Variants in ZNF345 observed in about 807,000 individuals in gnomAD.
ZNF345 encodes zinc finger protein 345.
For missense variants in ZNF345, 527 were observed against 589.9 expected (o/e 0.89, Z 1.10); for synonymous variants, 166 against 187.9 (o/e 0.88, Z 0.95).
At chr19:36,854,680 T>C (rs2072366449) in intron 2 of ZNF345, 1 of 152,150 alleles carries the variant, frequency 6.6e-6, no homozygotes, top group Non-Finnish European at 1.5e-5. Flanking sequence ...TTTTCTTTTA[T>C]TCTTGGCCTT....
At chr19:36,862,687 A>AAT (rs1430892255) in intron 2 of ZNF345, among the ~76,000 whole-genome samples, 1 of 150,542 alleles carries the variant, frequency 6.6e-6, no homozygotes, top group African/African-American at 2.5e-5. Flanking sequence ...AAAAAAAAAA[A>AAT]GTTAAAACTA....
At chr19:36,893,080 A>C (rs2073076948), downstream of ZNF345, 1 of 398,344 alleles carries the variant, frequency 2.5e-6, no homozygotes, top group East Asian at 3.6e-5. Flanking sequence ...TAACTGTCAG[A>C]CCTACATGAA....
chr19:36,875,142 A>G (rs1204377708), intron 2 of ZNF345, among the ~76,000 whole-genome samples: 1 of 152,214 alleles, frequency 6.6e-6, no homozygotes, highest in Middle Eastern at 3.2e-3. Flanking sequence ...TGTAGCAGAC[A>G]GAGGTTAAAC....
At chr19:36,876,477 A>G (rs1255306952) in intron 2 of ZNF345, among the ~76,000 whole-genome samples, 1 of 152,190 alleles carries the variant, frequency 6.6e-6, no homozygotes, top group Non-Finnish European at 1.5e-5. Context: ...CCAAGCTTTC[A>G]AAGTCTGCAG....
downstream of ZNF345, among the ~76,000 whole-genome samples, chr19:36,884,061 C>CTT (rs973116867): frequency 3.1e-5 from 4 of 131,082 alleles, no homozygotes; most frequent in African/African-American, 1.1e-4. Context: ...ATGATTACAA[C>CTT]TTATTTATTT....
intron 2 of ZNF345, among the ~76,000 whole-genome samples, chr19:36,875,097 G>C (rs1359495436): frequency 1.3e-5 from 2 of 152,046 alleles, no homozygotes; most frequent in African/African-American, 2.4e-5. Context: ...TAAATTAATA[G>C]ATATTATCTT....
chr19:36,852,468 G>A (rs2072301714), intron 2 of ZNF345, among the ~76,000 whole-genome samples: 1 of 151,934 alleles, frequency 6.6e-6, no homozygotes, highest in African/African-American at 2.4e-5. Context: ...AAAATTAGCT[G>A]GGCGTGGTGG....
Position 36,876,865 on chromosome 19 carries a change from C to A in ZNF345, c.35C>A (p.Ser12Ter). The change falls in exon 3 of 3, where the codon TCA (serine) becomes TAA (stop). Residue 12 changes from serine to a stop codon, truncating the protein, a stop_gained. Transcript: ENST00000420450. LOFTEE classifies it low-confidence loss of function (END_TRUNC). ...CTTACAAAACACAGCATTGAGTGTT[C>A]AAGTTTCAGAGGTGATTGGGAATGT... Reference protein sequence around the residue: ...ENLTKHSIECSSFRGDWECKN... With the variant: ...ENLTKHSIEC 1 of 1,613,110 alleles carries A rather than the reference C, an allele frequency of 6.2e-7. No homozygotes were observed. The highest frequency in any genetic ancestry group is 1.1e-5 in the South Asian group (1 of 90,804).
chr19:36,877,627 C>CCTTT lies in ZNF345; in HGVS notation c.798_801dup (p.Ser268LeufsTer2), dbSNP rs1293555261. On this transcript the variant is annotated frameshift_variant, in exon 3 of 3. Transcript: ENST00000420450. LOFTEE classifies it low-confidence loss of function (END_TRUNC). The stretch of plus-strand genomic sequence containing the variant: ...TATATATGTAATGAATGTGGTAAGG[C>CCTTT]CTTTAGTTTTGGATCAGCCCTTACT... 6.2e-7 allele frequency: 1 copy of CCTTT among 1,613,828 alleles called. No individual in the cohort carries two copies. Among genetic ancestry groups the CCTTT allele is most frequent in the African/African-American group, 1.3e-5 (1 of 74,872 alleles).
rs1251916476 is a variant in ZNF345, at chr19:36,878,911, C to T, written c.*614C>T. 1 of 165,334 alleles carries T rather than the reference C, an allele frequency of 6.0e-6. No homozygotes were observed. The highest frequency in any genetic ancestry group is 1.5e-5 in the Non-Finnish European group (1 of 68,194). The allele number at this position is 165,334 out of a possible 1,614,324, so 10.2% of individuals were successfully genotyped here. A position where few individuals can be genotyped will look rare whatever the true frequency, so the allele number is the denominator to read the frequency against. On this transcript the variant is annotated 3_prime_UTR_variant, in exon 3 of 3. Coordinates refer to ENST00000420450, the MANE Select transcript of ZNF345 (RefSeq NM_001242472.2). ...GGAGTGCAGTGGTGCAATCTCGGTTCACTGCAACCTCCACCTCCCGAGTTC... is the reference window on the plus strand; with the variant it reads ...GGAGTGCAGTGGTGCAATCTCGGTTTACTGCAACCTCCACCTCCCGAGTTC...
intron 2 of ZNF345, among the ~76,000 whole-genome samples, chr19:36,862,053 G>T (rs1295879580): frequency 6.6e-6 from 1 of 151,044 alleles, no homozygotes; most frequent in Non-Finnish European, 1.5e-5. Flanking sequence ...TAGAGACGGG[G>T]TTTCTCCATG....
intron 3 of ZNF345, chr19:36,891,665 C>T: frequency 1.2e-6 from 2 of 1,613,276 alleles, no homozygotes; most frequent in South Asian, 2.2e-5. Flanking sequence ...GGTTTTTCAT[C>T]TGTATGGATT....
rs2072429937 is a variant in ZNF345, at chr19:36,856,864, A to C, written c.-47+4960A>C. Among the ~76,000 whole-genome samples, 2 of 152,070 alleles carry C rather than the reference A, an allele frequency of 1.3e-5. 1 individual carries two copies. The highest frequency in any genetic ancestry group is 4.1e-4 in the South Asian group (2 of 4,824). ...GACTCCGTCTCAAAAAAAAAAAAAA[A>C]AGATTGCTGTATTCTTTATTTTCAT... is the stretch of plus-strand genomic sequence containing the variant. On this transcript the variant is annotated intron_variant, in intron 2 of 2. Transcript: ENST00000420450.
chr19:36,865,490 T>C (rs2072639785), intron 2 of ZNF345, among the ~76,000 whole-genome samples: 1 of 152,172 alleles, frequency 6.6e-6, no homozygotes, highest in Non-Finnish European at 1.5e-5. Flanking sequence ...AGACAGAGTC[T>C]CACTCTGTCA....
intron 2 of ZNF345, among the ~76,000 whole-genome samples, chr19:36,863,236 A>G (rs1396486503): frequency 1.3e-5 from 2 of 152,160 alleles, no homozygotes; most frequent in Non-Finnish European, 2.9e-5. Context: ...GTCTATAATG[A>G]GGATTGAGCA....
chr19:36,893,099 T>G (rs531426273), downstream of ZNF345: 1 of 397,898 alleles, frequency 2.5e-6, no homozygotes, highest in African/African-American at 2.1e-5. Flanking sequence ...AAAGGACTGT[T>G]AAGAATAACA....
chr19:36,885,269 G>A (rs2072990372), intron 3 of ZNF345, among the ~76,000 whole-genome samples: 1 of 151,410 alleles, frequency 6.6e-6, no homozygotes, highest in Non-Finnish European at 1.5e-5. Flanking sequence ...TAATAATGTT[G>A]AATACCTTTT....
intron 1 of ZNF345, 122 bp downstream of exon 1, chr19:36,851,090 G>C (rs2072251131): frequency 6.5e-6 from 1 of 152,870 alleles, no homozygotes. Flanking sequence ...GCGTGTGTCT[G>C]TGCGACCGTG....
chr19:36,877,991 A>C lies in ZNF345; in HGVS notation c.1161A>C (p.Gln387His). 6.2e-7 allele frequency: 1 copy of C among 1,613,704 alleles called. No homozygotes were observed. Among genetic ancestry groups the C allele is most frequent in the Non-Finnish European group, 8.5e-7 (1 of 1,179,846 alleles). Reference sequence around the variant, plus strand: ...TTGGTAGTGGCTCAAAACTTATCCAACACCAGCTAATCCATACTGGTGAAA... The same window carrying C: ...TTGGTAGTGGCTCAAAACTTATCCACCACCAGCTAATCCATACTGGTGAAA... ...KAFGSGSKLI[Q>H]HQLIHTGERP... is the part of the protein sequence containing the mutation. Residue 387 changes from glutamine (Q) to histidine (H), a missense_variant, in exon 3 of 3, where the codon CAA (glutamine) becomes CAC (histidine). Coordinates refer to ENST00000420450, the MANE Select transcript of ZNF345 (RefSeq NM_001242472.2).
Sources: gnomAD v4.1 joint callset for allele counts (sites outside exome capture counted in the v4.1 genomes callset) on GRCh38, gnomAD v4.1.1 for gene constraint, MANE v1.5 for transcripts, NCBI Gene and HGNC (gene_info 2026-07-23, HGNC 2026-07-21) for gene names.